ARMC10: variants seen among roughly 807,000 people sequenced by gnomAD.
ARMC10 encodes armadillo repeat-containing protein 10.
A neutral mutation model predicts 30.2 loss-of-function variants in ARMC10; 23 were observed. The ratio of observed to expected loss-of-function variants is 0.76; its 90% CI spans 0.55 to 1.08. The LOEUF (loss-of-function observed/expected upper bound fraction) is 1.08. ARMC10 is among the 50% of genes least tolerant of loss of function. ARMC10 has a pLI of 0.00. For synonymous variants in ARMC10, 111 were observed against 164.4 expected, an observed-to-expected ratio of 0.68 and a Z score of 2.48; for missense variants, 303 against 413.7, an observed-to-expected ratio of 0.73 and a Z score of 2.32.
chr7:103,076,485 G>A (rs888679341), intron 2 of ARMC10, among the ~76,000 whole-genome samples: 3 of 152,210 alleles, frequency 2.0e-5, no homozygotes, highest in Non-Finnish European at 4.4e-5. Flanking sequence ...AGGCTCCAAA[G>A]CTTTTAAGAA....
intron 2 of ARMC10, chr7:103,081,867 C>T (rs1335049357): frequency 2.2e-6 from 1 of 456,672 alleles, no homozygotes; most frequent in Non-Finnish European, 4.4e-6. Flanking sequence ...ATTAAGCCAA[C>T]CCTTTTATTT....
At chr7:103,080,873 ATCTCAGCC>A in intron 2 of ARMC10, among the ~76,000 whole-genome samples, 1 of 151,516 alleles carries the variant, frequency 6.6e-6, no homozygotes, top group Admixed American at 6.6e-5. Flanking sequence ...TGATCCGCCC[ATCTCAGCC>A]TCCCAGAGTG....
At chr7:103,090,728 T>TAAAAAAAAAAAA (rs34277044) in intron 4 of ARMC10, among the ~76,000 whole-genome samples, 4,493 of 140,172 alleles carry the variant, frequency 0.032, 258 homozygotes, top group African/African-American at 0.12. Context: ...AACCCATTTC[T>TAAAAAAAAAAAA]AAAAAAAAAA....
Position 103,097,305 on chromosome 7 carries a change from T to C in ARMC10, c.734T>C (p.Leu245Ser). 6 of 1,613,978 alleles carry C rather than the reference T, an allele frequency of 3.7e-6. No individual in the cohort carries two copies. Among genetic ancestry groups the C allele is most frequent in the Non-Finnish European group, 3.4e-6 (4 of 1,179,928 alleles). Residue 245 changes from leucine to serine, a missense_variant, in exon 6 of 7, where the codon TTG (leucine) becomes TCG (serine). Physicochemically the swap from Leu to Ser is moderately radical, Grantham distance 145. Coordinates refer to ENST00000323716, the MANE Select transcript of ARMC10 (RefSeq NM_031905.5). Reference protein sequence around the residue: ...KVQVLKLLLNLSENPAMTEGL... With the variant: ...KVQVLKLLLNSSENPAMTEGL... ...CAAGTTTTGAAACTGCTTTTGAATT[T>C]GTCTGAAAATCCAGCCATGACAGAA... is the stretch of plus-strand genomic sequence containing the variant.
chr7:103,080,208 A>C (rs1585727456), intron 2 of ARMC10, among the ~76,000 whole-genome samples: 2 of 152,186 alleles, frequency 1.3e-5, no homozygotes, highest in African/African-American at 4.8e-5. Context: ...AAATTTTTAG[A>C]GTTTTAAGTT....
At chr7:103,083,159 TACTA>T (rs1294460394) in intron 2 of ARMC10, 1 of 456,664 alleles carries the variant, frequency 2.2e-6, no homozygotes, top group Non-Finnish European at 4.4e-6. Flanking sequence ...TGAAGTGTCT[TACTA>T]ACAGCCATAT....
intron 3 of ARMC10, among the ~76,000 whole-genome samples, chr7:103,084,419 A>T (rs112428718): frequency 5.8e-4 from 88 of 152,346 alleles, no homozygotes; most frequent in African/African-American, 2.0e-3. Context: ...TAAGTACAAA[A>T]TTATTTTGAA....
intron 5 of ARMC10, chr7:103,095,675 G>T (rs1801697528): frequency 6.6e-6 from 1 of 151,996 alleles, no homozygotes; most frequent in African/African-American, 2.4e-5. Flanking sequence ...AAAAGACTTG[G>T]AACCAACCCG....
At chr7:103,086,604 CTTTTT>C in intron 3 of ARMC10, 21 bp from the exon 4 acceptor site, 11 of 1,471,026 alleles carry the variant, frequency 7.5e-6, no homozygotes, top group South Asian at 3.8e-5. Context: ...CCCAGTCCTG[CTTTTT>C]TTTTTTTTTT....
chr7:103,083,061 T>C lies in ARMC10; in HGVS notation c.245-621T>C, dbSNP rs149992219. ...AATCATATTTCCTAATTAATCTCTT[T>C]ATAGGTAAGTGTTCATTGGATGGGT... On this transcript the variant is annotated intron_variant, in intron 2 of 6. Coordinates refer to ENST00000323716, the MANE Select transcript of ARMC10 (RefSeq NM_031905.5). 8 of 456,736 alleles carry C rather than the reference T, an allele frequency of 1.8e-5. No individual in the cohort carries two copies. In the East Asian group the frequency reaches 5.6e-4, roughly 32 times the overall value. The allele number at this position is 456,736 out of a possible 1,614,324, so 28.3% of individuals were successfully genotyped here.
chr7:103,084,625 T>C (rs1256191831), intron 3 of ARMC10, among the ~76,000 whole-genome samples: 1 of 152,238 alleles, frequency 6.6e-6, no homozygotes, highest in African/African-American at 2.4e-5. Context: ...AAGAATAGCA[T>C]TGATTTCAGG....
In ARMC10 at chr7:103,097,255, A is replaced by T. The variant is rs752633964; in HGVS notation, c.706-22A>T. The T allele has an allele frequency of 1.6e-5, 26 of 1,600,746 alleles. No homozygotes were observed. The Admixed American group carries it at 2.2e-4, about 13-fold the overall frequency. On this transcript the variant is annotated intron_variant, in intron 5 of 6. Coordinates refer to ENST00000323716, the MANE Select transcript of ARMC10 (RefSeq NM_031905.5). ...AATTCATGCTTGCCAGTCTGAGATA[A>T]GCCAGTATCATCTTCTTTCAGGTGC...
At chr7:103,094,418 AT>A (rs1364728915) in intron 5 of ARMC10, among the ~76,000 whole-genome samples, 2 of 152,170 alleles carry the variant, frequency 1.3e-5, no homozygotes, top group Admixed American at 6.5e-5. Flanking sequence ...CTGTATATAT[AT>A]TTTTTTCTCA....
intron 5 of ARMC10, among the ~76,000 whole-genome samples, chr7:103,094,195 G>A (rs146389848): frequency 3.9e-5 from 6 of 151,930 alleles, no homozygotes; most frequent in African/African-American, 7.2e-5. Context: ...TGTAATAACC[G>A]TTTGGGTACA....
At chr7:103,078,675 G>C in intron 2 of ARMC10, among the ~76,000 whole-genome samples, 1 of 150,364 alleles carries the variant, frequency 6.7e-6, no homozygotes, top group East Asian at 1.9e-4. Flanking sequence ...TTTTGTTTTT[G>C]TTTTTTTTTG....
At chr7:103,087,144 G>A (rs1048553669) in intron 4 of ARMC10, among the ~76,000 whole-genome samples, 1 of 152,182 alleles carries the variant, frequency 6.6e-6, no homozygotes, top group Non-Finnish European at 1.5e-5. Context: ...GAGCATATCC[G>A]ATGCTACATA....
chr7:103,075,293 G>A lies in ARMC10; in HGVS notation c.21G>A (p.Ala7=). 8.2e-7 allele frequency: 1 copy of A among 1,226,124 alleles called. No homozygotes were observed. Among genetic ancestry groups the A allele is most frequent in the Middle Eastern group, 3.1e-4 (1 of 3,178 alleles). 76.0% of individuals were successfully genotyped at this position (1,226,124 alleles called of 1,614,324 possible). A position where few individuals can be genotyped will look rare whatever the true frequency, so the allele number is the denominator to read the frequency against. MGGPRG[A]GWVAAGLLLG... ...GCAGCATGGGTGGCCCCCGGGGCGC[G>A]GGCTGGGTGGCGGCGGGCCTGCTGC... The change falls in exon 1 of 7, where the codon GCG becomes GCA. Residue 7 remains alanine, a synonymous_variant. Transcript: ENST00000323716.
chr7:103,083,658 T>A, intron 2 of ARMC10, 24 bp from the exon 3 acceptor site: 2 of 1,592,674 alleles, frequency 1.3e-6, no homozygotes, highest in Non-Finnish European at 1.7e-6. Context: ...TAGCTTAACT[T>A]CAAATAACTT....
At chr7:103,090,049 C>G (rs575931163) in intron 4 of ARMC10, among the ~76,000 whole-genome samples, 1 of 152,144 alleles carries the variant, frequency 6.6e-6, no homozygotes, top group Admixed American at 6.5e-5. Context: ...GAGGTGGAGT[C>G]TGACCTGGCT....
Sources: allele counts gnomAD v4.1 joint callset (sites outside exome capture counted in the v4.1 genomes callset), GRCh38; gene constraint gnomAD v4.1.1; transcripts MANE v1.5; gene names NCBI Gene and HGNC (gene_info 2026-07-23, HGNC 2026-07-21).